The following GABRR1 variants were observed in gnomAD, a reference collection of about 807,000 sequenced individuals.
GABRR1 encodes gamma-aminobutyric acid receptor subunit rho-1.
GABRR1 carries 59 observed loss-of-function variants against 55.5 expected under a neutral mutation model. That is an observed-to-expected ratio of 1.06 (90% CI 0.86 to 1.32). The LOEUF (loss-of-function observed/expected upper bound fraction) is 1.32. GABRR1 is among the 40% of genes most tolerant of loss of function. The pLI, the probability that GABRR1 is intolerant of heterozygous loss-of-function variation, is 0.00. For synonymous variants in GABRR1, 213 were observed against 226.0 expected, an observed-to-expected ratio of 0.94 and a Z score of 0.51; for missense variants, 602 against 619.1, an observed-to-expected ratio of 0.97 and a Z score of 0.29.
chr6:89,201,391 A>T, intron 2 of GABRR1, 126 bp from the exon 3 acceptor site: 1 of 638,838 alleles, frequency 1.6e-6, no homozygotes. Flanking sequence ...AAGCTATTGG[A>T]CATCCCCTCT....
chr6:89,198,243 C>T lies in GABRR1; in HGVS notation c.349G>A (p.Asp117Asn). The change falls in exon 5 of 10, where the codon GAC becomes AAC. Residue 117 changes from aspartate (D) to asparagine (N), a missense_variant and splice_region_variant. Transcript: ENST00000454853. Reference sequence around the variant, plus strand: ...CTCAGGTAGAGGGTCATCGTAAAGTCCTGGGAGCAGAAGGGCAGAGAGGGA... The same window carrying T: ...CTCAGGTAGAGGGTCATCGTAAAGTTCTGGGAGCAGAAGGGCAGAGAGGGA... ...SLDSISEVDM[D>N]FTMTLYLRHY... 6.2e-7 allele frequency: 1 copy of T among 1,611,968 alleles called. No individual in the cohort carries two copies. The highest frequency in any genetic ancestry group is 8.5e-7 in the Non-Finnish European group (1 of 1,178,224).
upstream of GABRR1, among the ~76,000 whole-genome samples, chr6:89,219,979 G>A (rs1018470329): frequency 1.3e-5 from 2 of 152,314 alleles, no homozygotes; most frequent in East Asian, 3.9e-4. Flanking sequence ...CAGAATATGT[G>A]ATGTCTCCCG....
chr6:89,215,963 T>C (rs1049688847), intron 1 of GABRR1, among the ~76,000 whole-genome samples: 6 of 152,224 alleles, frequency 3.9e-5, no homozygotes, highest in African/African-American at 1.4e-4. Context: ...GTTGTCGTTG[T>C]TGTTGCTTTT....
At chr6:89,187,265 C>A (rs190278594) in intron 6 of GABRR1, among the ~76,000 whole-genome samples, 5 of 151,970 alleles carry the variant, frequency 3.3e-5, no homozygotes, top group African/African-American at 1.2e-4. Flanking sequence ...AATTTACCAT[C>A]TTAACCATTC....
upstream of GABRR1, among the ~76,000 whole-genome samples, chr6:89,220,428 A>G (rs925035976): frequency 6.6e-6 from 1 of 152,180 alleles, no homozygotes; most frequent in African/African-American, 2.4e-5. Context: ...CCTGTCTTAG[A>G]GCCCTTTCTG....
At chr6:89,204,648 G>C in intron 1 of GABRR1, 1 of 1,286,182 alleles carries the variant, frequency 7.8e-7, no homozygotes, top group Non-Finnish European at 1.0e-6. Flanking sequence ...AAGGAGGTTT[G>C]TCAAATTCTG....
intron 7 of GABRR1, among the ~76,000 whole-genome samples, chr6:89,183,793 A>G (rs905845413): frequency 1.3e-5 from 2 of 152,218 alleles, no homozygotes; most frequent in African/African-American, 2.4e-5. Context: ...GTTCTCACTT[A>G]TAAGTGGGAG....
At chr6:89,204,749 A>G (rs1267512556) in intron 1 of GABRR1, 1 of 897,316 alleles carries the variant, frequency 1.1e-6, no homozygotes, top group Non-Finnish European at 1.5e-6. Context: ...TTCATTATTA[A>G]TATTATTAGA....
intron 7 of GABRR1, among the ~76,000 whole-genome samples, chr6:89,183,941 C>T (rs1251268013): frequency 6.6e-6 from 1 of 152,104 alleles, no homozygotes; most frequent in Non-Finnish European, 1.5e-5. Context: ...GACAGATGTA[C>T]TAAAATCCTA....
At chr6:89,218,144 A>G (rs1229057476), upstream of GABRR1, among the ~76,000 whole-genome samples, 1 of 152,160 alleles carries the variant, frequency 6.6e-6, no homozygotes. Flanking sequence ...ACAGTCTCAG[A>G]GCCTCGTGGA....
At chr6:89,186,615 A>G (rs920684985) in intron 6 of GABRR1, among the ~76,000 whole-genome samples, 2 of 152,254 alleles carry the variant, frequency 1.3e-5, no homozygotes, top group Non-Finnish European at 2.9e-5. Flanking sequence ...CAACCTGAAA[A>G]AAGGCTACAT....
At chr6:89,216,706 A>G (rs1009010405) in intron 1 of GABRR1, among the ~76,000 whole-genome samples, 1 of 152,206 alleles carries the variant, frequency 6.6e-6, no homozygotes, top group Admixed American at 6.5e-5. Flanking sequence ...TAGGTAGGGA[A>G]CCATCTAATA....
chr6:89,211,349 C>T (rs1772828965), intron 1 of GABRR1, among the ~76,000 whole-genome samples: 1 of 152,112 alleles, frequency 6.6e-6, no homozygotes, highest in Admixed American at 6.5e-5. Context: ...TTTGAACCCT[C>T]CAAAGTCCCT....
chr6:89,210,549 C>T (rs1423025447), intron 1 of GABRR1, among the ~76,000 whole-genome samples: 1 of 152,146 alleles, frequency 6.6e-6, no homozygotes, highest in African/African-American at 2.4e-5. Flanking sequence ...TAAGGTCTGT[C>T]TCCCCCACTA....
chr6:89,212,334 G>A lies in GABRR1; in HGVS notation c.122+4867C>T, dbSNP rs149448253. Among the ~76,000 whole-genome samples the A allele has an allele frequency of 2.5e-4, 26 of 102,680 alleles. 5 individuals carry two copies. The highest frequency in any genetic ancestry group is 8.1e-4 in the African/African-American group (24 of 29,722). The allele number at this position is 102,680 out of a possible 152,430, so 67.4% of individuals were successfully genotyped here. A position where few individuals can be genotyped will look rare whatever the true frequency, so the allele number is the denominator to read the frequency against. On this transcript the variant is annotated intron_variant, in intron 1 of 9. Coordinates refer to ENST00000454853, the MANE Select transcript of GABRR1 (RefSeq NM_002042.5). ...TTGCACCAGCTCTTACCTGGCCTCA[G>A]ACTCTGGTCATAGACTCTGGATTAC...
chr6:89,181,224 G>A (rs1771707905), intron 8 of GABRR1, among the ~76,000 whole-genome samples: 1 of 152,184 alleles, frequency 6.6e-6, no homozygotes, highest in Non-Finnish European at 1.5e-5. Context: ...TCAAATCACA[G>A]GGGATTGGGG....
upstream of GABRR1, among the ~76,000 whole-genome samples, chr6:89,222,114 G>A (rs971261351): frequency 6.6e-6 from 1 of 152,192 alleles, no homozygotes; most frequent in Non-Finnish European, 1.5e-5. Context: ...TTAGGCAAGT[G>A]ACATAGGAGC....
chr6:89,208,564 C>T (rs1263856535), intron 1 of GABRR1, among the ~76,000 whole-genome samples: 2 of 152,182 alleles, frequency 1.3e-5, no homozygotes, highest in African/African-American at 4.8e-5. Flanking sequence ...ATGTGGGGAG[C>T]CCCCATCCAG....
chr6:89,177,631 G>A lies in GABRR1; in HGVS notation c.*1139C>T, dbSNP rs1418852589. 1 of 152,164 alleles carries A rather than the reference G, an allele frequency of 6.6e-6. No individual in the cohort carries two copies. The highest frequency in any genetic ancestry group is 1.5e-5 in the Non-Finnish European group (1 of 68,026). 9.4% of individuals were successfully genotyped at this position (152,164 alleles called of 1,614,324 possible). The stretch of plus-strand genomic sequence containing the variant: ...ATAACTGTTTTTAAGTGATACACCA[G>A]ATTAGAACCCTCTCCTTTACCCCAT... On this transcript the variant is annotated 3_prime_UTR_variant, in exon 10 of 10. Coordinates refer to ENST00000454853, the MANE Select transcript of GABRR1 (RefSeq NM_002042.5).
Sources: gnomAD v4.1 joint callset for allele counts (sites outside exome capture counted in the v4.1 genomes callset) on GRCh38, gnomAD v4.1.1 for gene constraint, MANE v1.5 for transcripts, NCBI Gene and HGNC (gene_info 2026-07-23, HGNC 2026-07-21) for gene names.